Variants in LRRC38 observed in about 807,000 individuals in gnomAD.
LRRC38 encodes the protein leucine rich repeat containing 38.
In LRRC38, 5 loss-of-function variants were observed where a neutral mutation model predicts 16.4. The observed-to-expected ratio is 0.31, with a 90% CI of 0.16 to 0.64. The LOEUF (loss-of-function observed/expected upper bound fraction) is 0.64. Among genes scored for constraint, LRRC38 ranks in the 30% least tolerant of loss-of-function variants. The probability of loss-of-function intolerance (pLI) is 0.80; values close to 1 mark genes in which losing one functional copy is unlikely to be tolerated. For missense variants in LRRC38, 341 were observed against 401.8 expected, an observed-to-expected ratio of 0.85 and a Z score of 1.29; for synonymous variants, 191 against 190.2, an observed-to-expected ratio of 1.00 and a Z score of -0.04.
At position 13,476,071 on chromosome 1, in the gene LRRC38, G is replaced by A; in HGVS notation, c.660C>T (p.Pro220=). The change falls in exon 2 of 2, where the codon CCC becomes CCT. Residue 220 remains proline, a synonymous_variant. Coordinates refer to ENST00000376085, the MANE Select transcript of LRRC38 (RefSeq NM_001010847.2). ...GCAGGGATATCCTCCTGCTCTCCAT[G>A]GGCAGGGAGCACTGGATTTCATCAA... ...KGLDEIQCSL[P]MESRRISLRE... The A allele has an allele frequency of 6.4e-7, 1 of 1,550,558 alleles. No homozygotes were observed. The highest frequency in any genetic ancestry group is 2.4e-5 in the East Asian group (1 of 40,914).
At chr1:13,492,975 C>T (rs1182424605) in intron 1 of LRRC38, among the ~76,000 whole-genome samples, 1 of 152,206 alleles carries the variant, frequency 6.6e-6, no homozygotes, top group Non-Finnish European at 1.5e-5. Flanking sequence ...CCCTGGGGGC[C>T]ACGCTATCCC....
intron 1 of LRRC38, among the ~76,000 whole-genome samples, chr1:13,489,881 A>G (rs1638986857): frequency 6.6e-6 from 1 of 152,140 alleles, no homozygotes; most frequent in Non-Finnish European, 1.5e-5. Context: ...AGAGGAAGCT[A>G]CATCTGCAGC....
chr1:13,486,336 T>C (rs1019740160), intron 1 of LRRC38, among the ~76,000 whole-genome samples: 5 of 152,144 alleles, frequency 3.3e-5, no homozygotes, highest in Non-Finnish European at 2.9e-5. Flanking sequence ...TCCAGGATGA[T>C]CTCATCTCCA....
At chr1:13,490,587 C>T (rs1431759524) in intron 1 of LRRC38, among the ~76,000 whole-genome samples, 2 of 152,082 alleles carry the variant, frequency 1.3e-5, no homozygotes, top group African/African-American at 4.8e-5. Flanking sequence ...TCCACCTCCA[C>T]CCCCACCCGC....
intron 1 of LRRC38, among the ~76,000 whole-genome samples, chr1:13,485,807 G>A (rs1638925842): frequency 6.6e-6 from 1 of 152,192 alleles, no homozygotes; most frequent in Non-Finnish European, 1.5e-5. Context: ...CACAAACCGA[G>A]GGGCTTAAAA....
Position 13,513,115 on chromosome 1 carries a change from T to C in LRRC38, c.479A>G (p.Asn160Ser). The change falls in exon 1 of 2, where the codon AAC becomes AGC. Residue 160 changes from asparagine (N) to serine (S), a missense_variant. By Grantham distance (46) the Asn-to-Ser change is conservative (BLOSUM62 1). Coordinates refer to ENST00000376085, the MANE Select transcript of LRRC38 (RefSeq NM_001010847.2). ...TLESLQVLELNDNNLRSLSVA... is the reference protein window; with the variant it reads ...TLESLQVLELSDNNLRSLSVA... ...GCTGAGGCTGCGCAGGTTGTTGTCG[T>C]TGAGCTCCAGCACCTGCAGCGACTC... is the stretch of plus-strand genomic sequence containing the variant. 6.5e-7 allele frequency: 1 copy of C among 1,550,350 alleles called. No homozygotes were observed. Among genetic ancestry groups the C allele is most frequent in the Non-Finnish European group, 8.7e-7 (1 of 1,146,864 alleles).
At chr1:13,507,807 G>A (rs1350211375) in intron 1 of LRRC38, among the ~76,000 whole-genome samples, 2 of 152,082 alleles carry the variant, frequency 1.3e-5, no homozygotes, top group Non-Finnish European at 2.9e-5. Context: ...ACTCCAGCCT[G>A]GGTGACAGAC....
rs1638786032 is a variant in LRRC38, at chr1:13,476,084, T to G, written c.647A>C (p.Gln216Pro). The change falls in exon 2 of 2, where the codon CAG becomes CCG. Residue 216 changes from glutamine to proline, a missense_variant. Physicochemically the swap from Gln to Pro is moderately conservative, Grantham distance 76 (BLOSUM62 -1). Transcript: ENST00000376085. ...SKLPKGLDEI[Q>P]CSLPMESRRI... ...CCTGCTCTCCATGGGCAGGGAGCAC[T>G]GGATTTCATCAAGGCCTGAGAAAAG... The G allele has an allele frequency of 1.3e-6, 2 of 1,550,416 alleles. No homozygotes were observed. Among genetic ancestry groups the G allele is most frequent in the Non-Finnish European group, 1.7e-6 (2 of 1,146,974 alleles).
intron 1 of LRRC38, among the ~76,000 whole-genome samples, chr1:13,501,588 T>A (rs1357338477): frequency 2.0e-5 from 1 of 50,526 alleles, no homozygotes; most frequent in Non-Finnish European, 7.0e-5. Flanking sequence ...TTTGTGGAGT[T>A]TTTTGTTTTT....
chr1:13,507,787 A>T (rs1639230197), intron 1 of LRRC38, among the ~76,000 whole-genome samples: 1 of 152,016 alleles, frequency 6.6e-6, no homozygotes, highest in Non-Finnish European at 1.5e-5. Flanking sequence ...AGTCGAGATC[A>T]CACCACTGCA....
At position 13,487,668 on chromosome 1, in the gene LRRC38, C is replaced by A. The variant is rs1242845878; in HGVS notation, c.632-11569G>T. Reference sequence around the variant, plus strand: ...CCCTTGAGTGATGACTTCTCCCCAGCAGCTGACACCTGAGCTGGAGAGGGT... The same window carrying A: ...CCCTTGAGTGATGACTTCTCCCCAGAAGCTGACACCTGAGCTGGAGAGGGT... On this transcript the variant is annotated intron_variant, in intron 1 of 1. Coordinates refer to ENST00000376085, the MANE Select transcript of LRRC38 (RefSeq NM_001010847.2). The surrounding 1 kb of genome is among the most constrained non-coding windows in gnomAD (Gnocchi z 4.4). 6.6e-6 allele frequency among the ~76,000 whole-genome samples: 1 copy of A among 152,224 alleles called. No individual in the cohort carries two copies. The highest frequency in any genetic ancestry group is 1.5e-5 in the Non-Finnish European group (1 of 68,046).
At chr1:13,512,933 C>CCCCCCCCCCCCCCCCCCAG in intron 1 of LRRC38, 30 bp downstream of exon 1, 1 of 1,363,172 alleles carries the variant, frequency 7.3e-7, no homozygotes, top group Admixed American at 2.2e-5. Context: ...CCCCCTCCCT[C>CCCCCCCCCCCCCCCCCCAG]CCTCCCCCAG....
intron 1 of LRRC38, among the ~76,000 whole-genome samples, chr1:13,490,183 G>C (rs879308735): frequency 1.3e-5 from 2 of 152,140 alleles, no homozygotes; most frequent in Non-Finnish European, 2.9e-5. Context: ...TTTAGACAGA[G>C]TCTCACTCTG....
intron 1 of LRRC38, among the ~76,000 whole-genome samples, chr1:13,492,823 T>G (rs1639031292): frequency 6.6e-6 from 1 of 152,162 alleles, no homozygotes; most frequent in African/African-American, 2.4e-5. Context: ...CCAGCAGATC[T>G]CAAAGTGCAG....
chr1:13,512,946 T>G lies in LRRC38; in HGVS notation c.631+17A>C. 3.2e-5 allele frequency: 16 copies of G among 497,130 alleles called. No individual in the cohort carries two copies. The highest frequency in any genetic ancestry group is 3.3e-5 in the Non-Finnish European group (10 of 307,576). 30.8% of individuals were successfully genotyped at this position (497,130 alleles called of 1,614,324 possible). A position where few individuals can be genotyped will look rare whatever the true frequency, so the allele number is the denominator to read the frequency against. On this transcript the variant is annotated intron_variant, in intron 1 of 1. Transcript: ENST00000376085. ...GCCCCCCTCCCTCCCTCCCCCAGCC[T>G]AGCCGGCTCGGCTCACCTTTGGGCA...
rs1638774328 is a variant in LRRC38 at position 13,475,383 on chromosome 1, G to C, written c.*463C>G. ...TATAAGGATCAAAGTTCTCGTTCTT[G>C]TGGTGAATGATCCGAATTTGAATCT... is the stretch of plus-strand genomic sequence containing the variant. On this transcript the variant is annotated 3_prime_UTR_variant, in exon 2 of 2. Coordinates refer to ENST00000376085, the MANE Select transcript of LRRC38 (RefSeq NM_001010847.2). This position sits in a 1 kb window ranked among gnomAD's most constrained non-coding sequence, Gnocchi z 4.3. 6.1e-6 allele frequency: 1 copy of C among 164,782 alleles called. No homozygotes were observed. Among genetic ancestry groups the C allele is most frequent in the African/African-American group, 2.4e-5 (1 of 41,854 alleles). 10.2% of individuals were successfully genotyped at this position (164,782 alleles called of 1,614,324 possible).
intron 1 of LRRC38, among the ~76,000 whole-genome samples, chr1:13,495,773 C>T (rs1014860477): frequency 6.6e-6 from 1 of 152,038 alleles, no homozygotes; most frequent in African/African-American, 2.4e-5. Context: ...AGCCCTAATG[C>T]GGTTAGACAG....
chr1:13,495,008 G>A (rs1055483991), intron 1 of LRRC38, among the ~76,000 whole-genome samples: 7 of 152,204 alleles, frequency 4.6e-5, no homozygotes, highest in African/African-American at 4.8e-5. Flanking sequence ...TTCTGAAGCG[G>A]GGAAGCTAAG....
chr1:13,498,101 T>C (rs1217629605), intron 1 of LRRC38, among the ~76,000 whole-genome samples: 1 of 152,096 alleles, frequency 6.6e-6, no homozygotes, highest in Non-Finnish European at 1.5e-5. Flanking sequence ...GCTTGCATTC[T>C]ATTTCTATCA....
Sources: allele counts gnomAD v4.1 joint callset (sites outside exome capture counted in the v4.1 genomes callset), GRCh38; gene constraint gnomAD v4.1.1; non-coding constraint Gnocchi (gnomAD v3.1); transcripts MANE v1.5; gene names NCBI Gene and HGNC (gene_info 2026-07-23, HGNC 2026-07-21).